Variants in RBFOX1 observed in about 807,000 individuals in gnomAD.
The protein encoded by RBFOX1 is RNA binding fox-1 homolog 1.
A neutral mutation model predicts 57.7 loss-of-function variants in RBFOX1; 8 were observed. That is an observed-to-expected ratio of 0.14 (90% CI 0.08 to 0.25). The LOEUF (loss-of-function observed/expected upper bound fraction) is 0.25, where lower values mean the gene tolerates loss of function less well. Among genes scored for constraint, RBFOX1 ranks in the 10% least tolerant of loss-of-function variants. RBFOX1 has a pLI of 1.00. For missense variants in RBFOX1, 611 were observed against 548.5 expected, an observed-to-expected ratio of 1.11 and a Z score of -1.14; for synonymous variants, 326 against 222.4, an observed-to-expected ratio of 1.47 and a Z score of -4.15.
intron 5 of RBFOX1, among the ~76,000 whole-genome samples, chr16:7,565,028 T>C (rs187835142): frequency 1.1e-3 from 168 of 152,268 alleles, no homozygotes; most frequent in Middle Eastern, 0.01. Context: ...GATTAACTTA[T>C]TTGTTTGCCG....
At chr16:6,077,591 A>G (rs894112307) in intron 1 of RBFOX1, among the ~76,000 whole-genome samples, 1 of 152,150 alleles carries the variant, frequency 6.6e-6, no homozygotes, top group Non-Finnish European at 1.5e-5. Flanking sequence ...TCCTTAAGTT[A>G]TATATACTTT....
At chr16:6,783,961 C>A (rs2081472821) in intron 3 of RBFOX1, among the ~76,000 whole-genome samples, 1 of 152,084 alleles carries the variant, frequency 6.6e-6, no homozygotes, top group Non-Finnish European at 1.5e-5. Context: ...AATATGTCAT[C>A]CCACTCCCTC....
intron 2 of RBFOX1, among the ~76,000 whole-genome samples, chr16:5,508,224 T>C (rs2043446379): frequency 6.6e-6 from 1 of 152,306 alleles, no homozygotes; most frequent in Admixed American, 6.5e-5. Flanking sequence ...AATGCAGGCA[T>C]TGGCCAGGGC....
chr16:6,437,831 A>T (rs571540134), intron 2 of RBFOX1, among the ~76,000 whole-genome samples: 1 of 152,148 alleles, frequency 6.6e-6, no homozygotes, highest in African/African-American at 2.4e-5. Flanking sequence ...GGAGAACAGC[A>T]TGGGGGAAAT....
intron 1 of RBFOX1, among the ~76,000 whole-genome samples, chr16:5,412,512 C>G (rs2067048131): frequency 6.6e-6 from 1 of 152,110 alleles, no homozygotes; most frequent in South Asian, 2.1e-4. Context: ...GATTGCTGTT[C>G]CACAAAGCAC....
chr16:7,057,863 C>T (rs2052875168), intron 4 of RBFOX1, among the ~76,000 whole-genome samples: 1 of 152,028 alleles, frequency 6.6e-6, no homozygotes, highest in South Asian at 2.1e-4. Context: ...CAAAAATTAG[C>T]CAGGCATGGT....
intron 3 of RBFOX1, among the ~76,000 whole-genome samples, chr16:6,947,508 G>A (rs111900549): frequency 0.048 from 7,342 of 152,144 alleles, 244 homozygotes; most frequent in Non-Finnish European, 0.07. Context: ...GAAATAGAGC[G>A]AAAAAGAGAT....
At chr16:6,981,970 A>T (rs541507741) in intron 3 of RBFOX1, among the ~76,000 whole-genome samples, 9 of 152,336 alleles carry the variant, frequency 5.9e-5, no homozygotes, top group African/African-American at 2.2e-4. Context: ...GCACATGAAA[A>T]TACAAATAAG....
At chr16:7,201,125 G>A (rs2088284889) in intron 4 of RBFOX1, among the ~76,000 whole-genome samples, 1 of 152,116 alleles carries the variant, frequency 6.6e-6, no homozygotes, top group Admixed American at 6.5e-5. Flanking sequence ...CAACAAAGCT[G>A]GAAGATATGA....
At chr16:6,018,888 C>G (rs1335021767), upstream of RBFOX1, among the ~76,000 whole-genome samples, 1 of 151,950 alleles carries the variant, frequency 6.6e-6, no homozygotes, top group Admixed American at 6.5e-5. Context: ...ACCCTCTGTC[C>G]CCTTTAGGCC....
intron 2 of RBFOX1, among the ~76,000 whole-genome samples, chr16:6,331,164 T>C (rs544394024): frequency 2.0e-5 from 3 of 152,264 alleles, no homozygotes; most frequent in Non-Finnish European, 4.4e-5. Flanking sequence ...ATTGAAATAG[T>C]CTGGGGCCGG....
chr16:5,622,567 T>C (rs942065966), intron 3 of RBFOX1, among the ~76,000 whole-genome samples: 1 of 152,208 alleles, frequency 6.6e-6, no homozygotes, highest in South Asian at 2.1e-4. Context: ...TTTTAAAAAA[T>C]CCATTTATTT....
intron 3 of RBFOX1, among the ~76,000 whole-genome samples, chr16:7,037,889 C>T (rs141529887): frequency 1.2e-4 from 18 of 152,266 alleles, no homozygotes; most frequent in African/African-American, 4.3e-4. Context: ...GCCTGTGTGT[C>T]TCTGCTGAAT....
In RBFOX1 at chr16:6,156,180, C is replaced by G. The variant is rs146415955; in HGVS notation, c.-127+136188C>G. 2.8e-4 allele frequency among the ~76,000 whole-genome samples: 43 copies of G among 152,236 alleles called. No homozygotes were observed. In the South Asian group the frequency reaches 4.6e-3, roughly 16 times the overall value. ...AGAATCAGTGTCCCTTTATGTTTTTCCTAATAGAGGTTTCTGTGACCTCTT... is the reference window on the plus strand; with the variant it reads ...AGAATCAGTGTCCCTTTATGTTTTTGCTAATAGAGGTTTCTGTGACCTCTT... On this transcript the variant is annotated intron_variant, in intron 1 of 15. Transcript: ENST00000550418.
At chr16:5,953,345 G>C (rs1238878807) in intron 4 of RBFOX1, among the ~76,000 whole-genome samples, 1 of 151,018 alleles carries the variant, frequency 6.6e-6, no homozygotes. Flanking sequence ...TATTTCCATA[G>C]GTTATTTGGG....
At chr16:7,521,640 T>C (rs977513028) in intron 5 of RBFOX1, among the ~76,000 whole-genome samples, 1 of 152,204 alleles carries the variant, frequency 6.6e-6, no homozygotes. Context: ...GAATATAGGA[T>C]TTGTTTTCTG....
chr16:5,627,809 G>C (rs1345486558), intron 3 of RBFOX1, among the ~76,000 whole-genome samples: 1 of 152,186 alleles, frequency 6.6e-6, no homozygotes, highest in African/African-American at 2.4e-5. Context: ...CTATACAGGA[G>C]GCTAAGCATA....
intron 1 of RBFOX1, among the ~76,000 whole-genome samples, chr16:6,162,774 C>G (rs2096889204): frequency 6.6e-6 from 1 of 152,148 alleles, no homozygotes; most frequent in African/African-American, 2.4e-5. Flanking sequence ...TGCTCTGTCA[C>G]CCAGGCTAAA....
intron 1 of RBFOX1, among the ~76,000 whole-genome samples, chr16:5,427,029 ACCT>A (rs1257857881): frequency 3.3e-5 from 5 of 151,644 alleles, no homozygotes; most frequent in Non-Finnish European, 5.9e-5. Flanking sequence ...CTTTCATGCC[ACCT>A]CCTCTGTTTT....
Sources: gnomAD v4.1 joint callset for allele counts (sites outside exome capture counted in the v4.1 genomes callset) on GRCh38, gnomAD v4.1.1 for gene constraint, MANE v1.5 for transcripts, NCBI Gene and HGNC (gene_info 2026-07-23, HGNC 2026-07-21) for gene names.